The following PIK3CG variants were observed in gnomAD, a reference collection of about 807,000 sequenced individuals.
PIK3CG encodes phosphatidylinositol-4,5-bisphosphate 3-kinase catalytic subunit gamma.
In PIK3CG, 55 loss-of-function variants were observed where a neutral mutation model predicts 102.3. That is an observed-to-expected ratio of 0.54 (90% CI 0.43 to 0.67). PIK3CG has a LOEUF of 0.67. PIK3CG is among the 30% of genes least tolerant of loss of function. The pLI is 0.00. For synonymous variants in PIK3CG, 552 were observed against 540.0 expected (o/e 1.02, Z -0.31); for missense variants, 1,258 against 1,391.8 (o/e 0.90, Z 1.53).
In PIK3CG at chr7:106,868,485, C is replaced by T. The variant is rs2116441786; in HGVS notation, c.924C>T (p.Asp308=). The T allele has an allele frequency of 6.2e-7, 1 of 1,614,196 alleles. No individual in the cohort carries two copies. Among genetic ancestry groups the T allele is most frequent in the South Asian group, 1.1e-5 (1 of 91,090 alleles). The stretch of plus-strand genomic sequence containing the variant: ...GAGAAGAGATTCACGTGGTACTGGA[C>T]ACGCCTCCAGACCCGGCCCTAGACG... The part of the protein sequence containing the change: ...KNGEEIHVVL[D]TPPDPALDEV... The change falls in exon 2 of 11, where the codon GAC becomes GAT. Residue 308 remains aspartate, a synonymous_variant. Transcript: ENST00000496166. The surrounding 1 kb of genome is among the most constrained non-coding windows in gnomAD (Gnocchi z 6.2).
chr7:106,901,073 G>A lies in PIK3CG; in HGVS notation c.3031-4036G>A, dbSNP rs559013426. Among the ~76,000 whole-genome samples the A allele has an allele frequency of 3.9e-5, 6 of 152,234 alleles. No individual in the cohort carries two copies. In the East Asian group the frequency reaches 1.2e-3, roughly 29 times the overall value. On this transcript the variant is annotated intron_variant, in intron 10 of 10. Transcript: ENST00000496166. Reference sequence around the variant, plus strand: ...CTTGTGTAGAATCTTGCAGTTCTCTGTATTTCCTGAATTTGACTGTCAGCT... The same window carrying A: ...CTTGTGTAGAATCTTGCAGTTCTCTATATTTCCTGAATTTGACTGTCAGCT...
At chr7:106,875,247 G>A (rs1448949563) in intron 5 of PIK3CG, among the ~76,000 whole-genome samples, 2 of 151,844 alleles carry the variant, frequency 1.3e-5, no homozygotes, top group African/African-American at 4.8e-5. Context: ...CCAGCAACTC[G>A]GGAGGCTGAG....
At chr7:106,865,958 A>T (rs1165464986) in intron 1 of PIK3CG, among the ~76,000 whole-genome samples, 1 of 152,266 alleles carries the variant, frequency 6.6e-6, no homozygotes, top group Non-Finnish European at 1.5e-5. Context: ...AATGTAGCAA[A>T]AGACCAAAAT....
At position 106,902,474 on chromosome 7, in the gene PIK3CG, G is replaced by A. The variant is rs1791584639; in HGVS notation, c.3031-2635G>A. Among the ~76,000 whole-genome samples the A allele has an allele frequency of 6.6e-6, 1 of 151,748 alleles. No homozygotes were observed. Among genetic ancestry groups the A allele is most frequent in the Non-Finnish European group, 1.5e-5 (1 of 67,970 alleles). ...TGCATGTTAATCAAATTACCTGCTGGTAACATTATATGTATTCCTATCTAC... is the reference window on the plus strand; with the variant it reads ...TGCATGTTAATCAAATTACCTGCTGATAACATTATATGTATTCCTATCTAC... On this transcript the variant is annotated intron_variant, in intron 10 of 10. Coordinates refer to ENST00000496166, the MANE Select transcript of PIK3CG (RefSeq NM_001282426.2). This position sits in a 1 kb window ranked among gnomAD's most constrained non-coding sequence, Gnocchi z 4.3.
rs200767793 is a variant in PIK3CG, at chr7:106,879,704, C to T, written c.2538+39C>T. 3,293 of 1,498,020 alleles carry T rather than the reference C, an allele frequency of 2.2e-3. 7 individuals are homozygous for T. Among genetic ancestry groups the T allele is most frequent in the Non-Finnish European group, 2.8e-3 (3,046 of 1,078,634 alleles). 92.8% of individuals were successfully genotyped at this position (1,498,020 alleles called of 1,614,324 possible). On this transcript the variant is annotated intron_variant, in intron 6 of 10. Transcript: ENST00000496166. This position sits in a 1 kb window ranked among gnomAD's most constrained non-coding sequence, Gnocchi z 4.9. ...AAGATTGTTTTCAATTATCTGAAAACAATTCTATATTACATCAAAAACATG... is the reference window on the plus strand; with the variant it reads ...AAGATTGTTTTCAATTATCTGAAAATAATTCTATATTACATCAAAAACATG...
chr7:106,886,633 G>T (rs945828209), intron 10 of PIK3CG, among the ~76,000 whole-genome samples: 1 of 152,150 alleles, frequency 6.6e-6, no homozygotes. Flanking sequence ...CTAGATATTT[G>T]TCTATTCAAG....
chr7:106,869,579 A>G lies in PIK3CG; in HGVS notation c.1995+23A>G, dbSNP rs750793805. Reference sequence around the variant, plus strand: ...CAGGTAGGGGATGTTGGTGTTATCAATGGAAGCCTTCTCAAAAGGAATTGA... The same window carrying G: ...CAGGTAGGGGATGTTGGTGTTATCAGTGGAAGCCTTCTCAAAAGGAATTGA... On this transcript the variant is annotated intron_variant, in intron 2 of 10. Coordinates refer to ENST00000496166, the MANE Select transcript of PIK3CG (RefSeq NM_001282426.2). This position sits in a 1 kb window ranked among gnomAD's most constrained non-coding sequence, Gnocchi z 5.3. 3.4e-5 allele frequency: 52 copies of G among 1,544,822 alleles called. No individual in the cohort carries two copies. The highest frequency in any genetic ancestry group is 1.2e-4 in the Admixed American group (6 of 49,704).
intron 4 of PIK3CG, among the ~76,000 whole-genome samples, chr7:106,873,407 A>C (rs1485432936): frequency 1.3e-5 from 2 of 152,200 alleles, no homozygotes; most frequent in Admixed American, 6.5e-5. Context: ...GGGGTCCTAC[A>C]TCTGTAAATT....
At chr7:106,878,041 G>A (rs1456871303) in intron 5 of PIK3CG, among the ~76,000 whole-genome samples, 1 of 152,006 alleles carries the variant, frequency 6.6e-6, no homozygotes. Context: ...ACATTTCCTT[G>A]AGCTTCTAAC....
At position 106,891,619 on chromosome 7, in the gene PIK3CG, G is replaced by A. The variant is rs1228484450; in HGVS notation, c.3030+5327G>A. Among the ~76,000 whole-genome samples, 2 of 152,156 alleles carry A rather than the reference G, an allele frequency of 1.3e-5. No individual in the cohort carries two copies. The highest frequency in any genetic ancestry group is 2.9e-5 in the Non-Finnish European group (2 of 68,030). ...ATTTTGGAGATGCTCTGTGCACACA[G>A]TAGGCACCAAGCAAATCTGAAGTCA... On this transcript the variant is annotated intron_variant, in intron 10 of 10. Coordinates refer to ENST00000496166, the MANE Select transcript of PIK3CG (RefSeq NM_001282426.2). This position sits in a 1 kb window ranked among gnomAD's most constrained non-coding sequence, Gnocchi z 4.4.
At position 106,883,681 on chromosome 7, in the gene PIK3CG, G is replaced by A. The variant is rs1322988781; in HGVS notation, c.2761-474G>A. On this transcript the variant is annotated intron_variant, in intron 8 of 10. Coordinates refer to ENST00000496166, the MANE Select transcript of PIK3CG (RefSeq NM_001282426.2). This position sits in a 1 kb window ranked among gnomAD's most constrained non-coding sequence, Gnocchi z 5.8. Reference sequence around the variant, plus strand: ...TTTAGCTGTTTGGCTGTCGTTTAAAGTTCTGCTGCACAGGATTAGCACTTC... The same window carrying A: ...TTTAGCTGTTTGGCTGTCGTTTAAAATTCTGCTGCACAGGATTAGCACTTC... Among the ~76,000 whole-genome samples, 1 of 152,150 alleles carries A rather than the reference G, an allele frequency of 6.6e-6. No individual in the cohort carries two copies.
Position 106,869,467 on chromosome 7 carries a change from T to A in PIK3CG, c.1906T>A (p.Ser636Thr), listed in dbSNP as rs2116466468. Reference protein sequence around the residue: ...LTMQLLDCNFSDENVRAIAVQ... With the variant: ...LTMQLLDCNFTDENVRAIAVQ... The stretch of plus-strand genomic sequence containing the variant: ...AATGCAGCTCCTGGACTGCAACTTC[T>A]CAGATGAAAATGTAAGAGCCATTGC... Residue 636 changes from serine to threonine, a missense_variant, in exon 2 of 11, where the codon TCA (serine) becomes ACA (threonine). Ser to Thr is a moderately conservative substitution (Grantham distance 58). Coordinates refer to ENST00000496166, the MANE Select transcript of PIK3CG (RefSeq NM_001282426.2). This position sits in a 1 kb window ranked among gnomAD's most constrained non-coding sequence, Gnocchi z 5.3. 6.2e-7 allele frequency: 1 copy of A among 1,614,184 alleles called. No homozygotes were observed.
At position 106,877,015 on chromosome 7, in the gene PIK3CG, T is replaced by C. The variant is rs115298820; in HGVS notation, c.2391+2212T>C. ...GAGTATGAGACCAGACTGGGCAACA[T>C]GGCGAGACTCCATCTCTACAAAAAA... On this transcript the variant is annotated intron_variant, in intron 5 of 10. Transcript: ENST00000496166. The surrounding 1 kb of genome is among the most constrained non-coding windows in gnomAD (Gnocchi z 4.5). Among the ~76,000 whole-genome samples, 1,328 of 151,896 alleles carry C rather than the reference T, an allele frequency of 8.7e-3. 14 individuals are homozygous for C. The highest frequency in any genetic ancestry group is 0.03 in the African/African-American group (1,257 of 41,420).
In PIK3CG at chr7:106,899,725, G is replaced by T. The variant is rs1007475585; in HGVS notation, c.3031-5384G>T. Among the ~76,000 whole-genome samples, 9 of 152,196 alleles carry T rather than the reference G, an allele frequency of 5.9e-5. No individual in the cohort carries two copies. The highest frequency in any genetic ancestry group is 1.2e-4 in the Non-Finnish European group (8 of 68,028). On this transcript the variant is annotated intron_variant, in intron 10 of 10. Coordinates refer to ENST00000496166, the MANE Select transcript of PIK3CG (RefSeq NM_001282426.2). This position sits in a 1 kb window ranked among gnomAD's most constrained non-coding sequence, Gnocchi z 4.6. Reference sequence around the variant, plus strand: ...TGGGGATGAAACCTACTTGATCATGGTGGATTAGCTTTTTGATGTGCTGCT... The same window carrying T: ...TGGGGATGAAACCTACTTGATCATGTTGGATTAGCTTTTTGATGTGCTGCT...
intron 10 of PIK3CG, 113 bp downstream of exon 10, chr7:106,886,405 CT>C: frequency 1.0e-6 from 1 of 988,240 alleles, no homozygotes; most frequent in Non-Finnish European, 1.5e-6. Context: ...GCCTCTACCC[CT>C]ACCCTCTTCT....
In PIK3CG at chr7:106,880,886, C is replaced by T. The variant is rs893161978; in HGVS notation, c.2538+1221C>T. Among the ~76,000 whole-genome samples, 9 of 152,008 alleles carry T rather than the reference C, an allele frequency of 5.9e-5. No individual in the cohort carries two copies. The highest frequency in any genetic ancestry group is 1.4e-4 in the African/African-American group (6 of 41,400). Reference sequence around the variant, plus strand: ...AGATGGGGTCTTGCCATGTTACCCACGCTGGCCTCAAACTCCTTGGCTCAA... The same window carrying T: ...AGATGGGGTCTTGCCATGTTACCCATGCTGGCCTCAAACTCCTTGGCTCAA... On this transcript the variant is annotated intron_variant, in intron 6 of 10. Coordinates refer to ENST00000496166, the MANE Select transcript of PIK3CG (RefSeq NM_001282426.2). This position sits in a 1 kb window ranked among gnomAD's most constrained non-coding sequence, Gnocchi z 4.2.
rs751565899 is a variant in PIK3CG at position 106,893,114 on chromosome 7, A to G, written c.3030+6822A>G. 5.9e-5 allele frequency among the ~76,000 whole-genome samples: 9 copies of G among 152,090 alleles called. No homozygotes were observed. Among genetic ancestry groups the G allele is most frequent in the Non-Finnish European group, 1.2e-4 (8 of 68,026 alleles). The stretch of plus-strand genomic sequence containing the variant: ...TCACAAATAACCATAATTAAGGTCT[A>G]TTATAGGTCAAGCAGGAGATGACCA... On this transcript the variant is annotated intron_variant, in intron 10 of 10. Transcript: ENST00000496166. The surrounding 1 kb of genome is among the most constrained non-coding windows in gnomAD (Gnocchi z 4.4).
rs774297947 is a variant in PIK3CG at position 106,905,309 on chromosome 7, C to T, written c.3231C>T (p.Asp1077=). 3 of 1,614,046 alleles carry T rather than the reference C, an allele frequency of 1.9e-6. No homozygotes were observed. The highest frequency in any genetic ancestry group is 2.7e-5 in the African/African-American group (2 of 75,026). ...TTGATCAGATCGAAGTTTGCAGAGA[C>T]AAAGGATGGACTGTGCAGTTTAATT... is the stretch of plus-strand genomic sequence containing the variant. ...YFLDQIEVCR[D]KGWTVQFNWF... is the part of the protein sequence containing the mutation. The change falls in exon 11 of 11, where the codon GAC becomes GAT. Residue 1077 remains aspartate (D), a synonymous_variant. Transcript: ENST00000496166. The surrounding 1 kb of genome is among the most constrained non-coding windows in gnomAD (Gnocchi z 5.6).
In PIK3CG at chr7:106,907,856, A is replaced by ATT. The variant is rs1285387864; in HGVS notation, c.*2470_*2471insTT. Among the ~76,000 whole-genome samples, 3 of 143,822 alleles carry ATT rather than the reference A, an allele frequency of 2.1e-5. No homozygotes were observed. Among genetic ancestry groups the ATT allele is most frequent in the African/African-American group, 7.5e-5 (3 of 40,016 alleles). The allele number at this position is 143,822 out of a possible 152,430, so 94.4% of individuals were successfully genotyped here. On this transcript the variant is annotated 3_prime_UTR_variant, in exon 11 of 11. Coordinates refer to ENST00000496166, the MANE Select transcript of PIK3CG (RefSeq NM_001282426.2). The stretch of plus-strand genomic sequence containing the variant: ...TGTGTGTGTATATATATATATATAT[A>ATT]TCACAGTTGGGCTTGATTCTTCCGT...
Sources: allele counts gnomAD v4.1 joint callset (sites outside exome capture counted in the v4.1 genomes callset), GRCh38; gene constraint gnomAD v4.1.1; non-coding constraint Gnocchi (gnomAD v3.1); transcripts MANE v1.5; gene names NCBI Gene and HGNC (gene_info 2026-07-23, HGNC 2026-07-21).